MKLN1: variants seen among roughly 807,000 people sequenced by gnomAD.
MKLN1 encodes muskelin 1, also known as muskelin.
In MKLN1, 18 loss-of-function variants were observed where a neutral mutation model predicts 99.0. The ratio of observed to expected loss-of-function variants is 0.18; its 90% CI spans 0.13 to 0.27. The LOEUF is 0.27. Ranked by LOEUF, MKLN1 falls within the 10% of genes least tolerant of loss-of-function variation. The pLI is 1.00. For synonymous variants in MKLN1, 288 were observed against 293.2 expected (o/e 0.98, Z 0.18); for missense variants, 621 against 875.9 (o/e 0.71, Z 3.67).
In MKLN1 at chr7:131,487,467, G is replaced by T. The variant is rs375754673; in HGVS notation, c.2087-140G>T. 13 of 815,272 alleles carry T rather than the reference G, an allele frequency of 1.6e-5. No individual in the cohort carries two copies. The East Asian group carries it at 3.7e-4, about 23-fold the overall frequency. 50.5% of individuals were successfully genotyped at this position (815,272 alleles called of 1,614,324 possible). ...ACACCACAGCCAGGTAGTAGAACTG[G>T]GGTCAGATCAGTAGTGTCTGCCTGG... On this transcript the variant is annotated intron_variant, in intron 17 of 17. Transcript: ENST00000352689. The surrounding 1 kb of genome is among the most constrained non-coding windows in gnomAD (Gnocchi z 4.7).
At chr7:131,192,622 A>G (rs1796584901) in intron 2 of MKLN1, among the ~76,000 whole-genome samples, 3 of 150,554 alleles carry the variant, frequency 2.0e-5, no homozygotes, top group Admixed American at 6.7e-5. Context: ...GCTCACTGCA[A>G]CCTCCACCTC....
At chr7:131,183,153 C>A (rs1444942186) in intron 2 of MKLN1, among the ~76,000 whole-genome samples, 2 of 152,166 alleles carry the variant, frequency 1.3e-5, no homozygotes, top group African/African-American at 4.8e-5. Flanking sequence ...CATTAAAAAT[C>A]AATCAGATAT....
intron 1 of MKLN1, among the ~76,000 whole-genome samples, chr7:131,120,032 G>A (rs772350528): frequency 4.0e-5 from 6 of 151,772 alleles, no homozygotes; most frequent in Non-Finnish European, 7.4e-5. Context: ...GCCAGGCCAC[G>A]TGTTGGCAGG....
intron 3 of MKLN1, among the ~76,000 whole-genome samples, chr7:131,272,465 G>A (rs1797900497): frequency 6.6e-6 from 1 of 152,226 alleles, no homozygotes; most frequent in East Asian, 1.9e-4. Context: ...GTGAGAGGAG[G>A]TTGGCTGGAT....
At chr7:131,131,530 A>G (rs765987888) in intron 1 of MKLN1, among the ~76,000 whole-genome samples, 5 of 152,172 alleles carry the variant, frequency 3.3e-5, no homozygotes, top group Non-Finnish European at 7.3e-5. Context: ...CTGGAGAAAC[A>G]GGTATTGTTA....
At chr7:131,393,389 T>G (rs1794263368) in intron 4 of MKLN1, among the ~76,000 whole-genome samples, 1 of 152,218 alleles carries the variant, frequency 6.6e-6, no homozygotes, top group Non-Finnish European at 1.5e-5. Flanking sequence ...TGGACATCAT[T>G]CTGCTCATTT....
chr7:131,333,665 T>C (rs991437252), intron 1 of MKLN1, among the ~76,000 whole-genome samples: 12 of 151,986 alleles, frequency 7.9e-5, no homozygotes, highest in Admixed American at 7.9e-4. Context: ...GCCTCCCAAG[T>C]AGCTGGGATT....
chr7:131,437,067 TTTTTTTA>T (rs1039081190), intron 9 of MKLN1, among the ~76,000 whole-genome samples: 20 of 152,042 alleles, frequency 1.3e-4, no homozygotes, highest in African/African-American at 4.1e-4. Context: ...GAGATTTTAT[TTTTTTTA>T]TTTTTTATTT....
chr7:131,216,614 T>C (rs1369701243), intron 3 of MKLN1, among the ~76,000 whole-genome samples: 2 of 152,196 alleles, frequency 1.3e-5, no homozygotes, highest in Admixed American at 6.5e-5. Flanking sequence ...ATTACAGAAC[T>C]AGCTTCTACT....
chr7:131,175,273 G>A (rs1215601727), intron 2 of MKLN1, among the ~76,000 whole-genome samples: 1 of 56,190 alleles, frequency 1.8e-5, no homozygotes, highest in South Asian at 8.0e-4. Flanking sequence ...GATAGAGTAG[G>A]TGGAAGAAAC....
intron 2 of MKLN1, among the ~76,000 whole-genome samples, chr7:131,381,455 T>C (rs556588929): frequency 2.0e-5 from 3 of 152,362 alleles, no homozygotes; most frequent in South Asian, 4.1e-4. Context: ...AGCAATGTTT[T>C]CTCATTAAGG....
intron 2 of MKLN1, among the ~76,000 whole-genome samples, chr7:131,145,205 C>A (rs1008332207): frequency 6.6e-6 from 1 of 152,114 alleles, no homozygotes; most frequent in African/African-American, 2.4e-5. Context: ...CACCCCCAAT[C>A]CTGACAAAAT....
chr7:131,492,474 G>A lies in MKLN1; in HGVS notation c.*4746G>A, dbSNP rs1173133223. On this transcript the variant is annotated 3_prime_UTR_variant, in exon 18 of 18. Transcript: ENST00000352689. ...AGGCTGGGCATAGTGACTCACGCCT[G>A]TAATCCCAGACCTTTGGGAGGCTGA... 5.3e-5 allele frequency: 8 copies of A among 152,140 alleles called. No homozygotes were observed. The South Asian group carries it at 1.5e-3, about 28-fold the overall frequency. The allele number at this position is 152,140 out of a possible 1,614,324, so 9.4% of individuals were successfully genotyped here.
At chr7:131,381,604 A>G (rs1407331991) in intron 2 of MKLN1, among the ~76,000 whole-genome samples, 2 of 152,308 alleles carry the variant, frequency 1.3e-5, no homozygotes, top group East Asian at 1.9e-4. Flanking sequence ...GCTGAATTCC[A>G]TCATCCTGAC....
At chr7:131,444,887 A>G (rs1313925563) in intron 11 of MKLN1, among the ~76,000 whole-genome samples, 1 of 151,582 alleles carries the variant, frequency 6.6e-6, no homozygotes, top group Non-Finnish European at 1.5e-5. Context: ...GTCTCAAGCA[A>G]TCCTCTCACC....
At chr7:131,403,534 A>G (rs1050935280) in intron 6 of MKLN1, among the ~76,000 whole-genome samples, 1 of 152,208 alleles carries the variant, frequency 6.6e-6, no homozygotes, top group African/African-American at 2.4e-5. Flanking sequence ...CAAGAGGTCA[A>G]CTTTCAGCCT....
intron 10 of MKLN1, among the ~76,000 whole-genome samples, chr7:131,439,027 T>C (rs746026787): frequency 1.3e-5 from 2 of 152,140 alleles, no homozygotes; most frequent in Non-Finnish European, 2.9e-5. Flanking sequence ...AAGTGGTAGG[T>C]AGAAAATCAA....
At chr7:131,144,542 T>C (rs1176314280) in intron 2 of MKLN1, among the ~76,000 whole-genome samples, 1 of 152,072 alleles carries the variant, frequency 6.6e-6, no homozygotes, top group Non-Finnish European at 1.5e-5. Flanking sequence ...AGATGAGGTT[T>C]TGCTATGTTA....
intron 2 of MKLN1, among the ~76,000 whole-genome samples, chr7:131,169,344 G>A (rs1054301945): frequency 4.6e-5 from 7 of 152,168 alleles, no homozygotes; most frequent in South Asian, 2.1e-4. Flanking sequence ...ATCAATTGAT[G>A]CCCCAAATAT....
Sources: allele counts gnomAD v4.1 joint callset (sites outside exome capture counted in the v4.1 genomes callset), GRCh38; gene constraint gnomAD v4.1.1; non-coding constraint Gnocchi (gnomAD v3.1); transcripts MANE v1.5; gene names NCBI Gene and HGNC (gene_info 2026-07-23, HGNC 2026-07-21).